The following PDILT variants were observed in gnomAD, a reference collection of about 807,000 sequenced individuals.
PDILT encodes the protein protein disulfide-isomerase-like protein of the testis.
PDILT carries 43 observed loss-of-function variants against 53.7 expected under a neutral mutation model. The ratio of observed to expected loss-of-function variants is 0.80; its 90% confidence interval spans 0.63 to 1.03. The LOEUF is 1.03. Among genes scored for constraint, PDILT ranks in the 50% least tolerant of loss-of-function variants. The pLI, the probability that PDILT is intolerant of heterozygous loss-of-function variation, is 0.00. For missense variants in PDILT, 727 were observed against 712.3 expected, an observed-to-expected ratio of 1.02 and a Z score of -0.24; for synonymous variants, 282 against 274.2, an observed-to-expected ratio of 1.03 and a Z score of -0.28.
intron 5 of PDILT, among the ~76,000 whole-genome samples, chr16:20,374,401 G>A (rs976880743): frequency 6.6e-6 from 1 of 152,094 alleles, no homozygotes; most frequent in South Asian, 2.1e-4. Context: ...AAAACACTGG[G>A]AGAGGACCTG....
At chr16:20,401,423 T>C (rs1387324036) in intron 1 of PDILT, among the ~76,000 whole-genome samples, 1 of 152,204 alleles carries the variant, frequency 6.6e-6, no homozygotes, top group Non-Finnish European at 1.5e-5. Context: ...TTAGTTTTTA[T>C]TCTACAGAAA....
rs573955665 is a variant in PDILT, at chr16:20,403,002, C to T, written c.-8+1494G>A. Among the ~76,000 whole-genome samples, 10 of 152,326 alleles carry T rather than the reference C, an allele frequency of 6.6e-5. No individual in the cohort carries two copies. The East Asian group carries it at 1.9e-3, about 29-fold the overall frequency. ...TCAGCTCCAACATCAGCTCCCTACC[C>T]CCTACTCAGAGGAGAGTGGCTGTCA... On this transcript the variant is annotated intron_variant, in intron 1 of 11. Transcript: ENST00000302451.
chr16:20,372,735 G>A (rs1966324195), intron 7 of PDILT, 67 bp downstream of exon 7: 8 of 1,560,662 alleles, frequency 5.1e-6, no homozygotes, highest in Non-Finnish European at 7.0e-6. Context: ...AGGCAAATGG[G>A]CTCAGGGTCT....
At chr16:20,389,711 T>C (rs1966585621) in intron 2 of PDILT, among the ~76,000 whole-genome samples, 1 of 152,052 alleles carries the variant, frequency 6.6e-6, no homozygotes, top group South Asian at 2.1e-4. Flanking sequence ...AGAATTAACG[T>C]TTGCCTGGTC....
chr16:20,370,066 A>T (rs1966281272), intron 7 of PDILT, among the ~76,000 whole-genome samples: 1 of 152,248 alleles, frequency 6.6e-6, no homozygotes. Flanking sequence ...GCAGGTAGAA[A>T]GTGTTCAATA....
intron 8 of PDILT, 69 bp downstream of exon 8, chr16:20,369,423 G>T: frequency 6.6e-7 from 1 of 1,516,562 alleles, no homozygotes; most frequent in Non-Finnish European, 9.1e-7. Context: ...GAATTATCAA[G>T]GCCAACAGAA....
At position 20,385,567 on chromosome 16, in the gene PDILT, G is replaced by A. The variant is rs116959490; in HGVS notation, c.203-716C>T. Among the ~76,000 whole-genome samples, 4 of 152,248 alleles carry A rather than the reference G, an allele frequency of 2.6e-5. No individual in the cohort carries two copies. The East Asian group carries it at 7.7e-4, about 29-fold the overall frequency. On this transcript the variant is annotated intron_variant, in intron 2 of 11. Transcript: ENST00000302451. ...CAAAGGCATGCAGAGTGGTATAATG[G>A]ACATTGGAGACTCAGATGCGGGGAG...
chr16:20,372,998 A>AT lies in PDILT; in HGVS notation c.792+13dup. 3.1e-6 allele frequency: 5 copies of AT among 1,613,812 alleles called. No homozygotes were observed. Among genetic ancestry groups the AT allele is most frequent in the Non-Finnish European group, 4.2e-6 (5 of 1,179,752 alleles). On this transcript the variant is annotated intron_variant, in intron 6 of 11. Transcript: ENST00000302451. ...CCCAGCTCCCCTTCCTCCGGGGACCATTTACTCACTGACCTCAGTGTTGTA... is the reference window on the plus strand; with the variant it reads ...CCCAGCTCCCCTTCCTCCGGGGACCATTTTACTCACTGACCTCAGTGTTGTA...
At chr16:20,362,847 G>A (rs1003597379) in intron 9 of PDILT, among the ~76,000 whole-genome samples, 3 of 152,032 alleles carry the variant, frequency 2.0e-5, no homozygotes, top group Admixed American at 2.0e-4. Context: ...GCTGAGGCGG[G>A]TGGATCACAA....
At chr16:20,362,682 C>A in intron 9 of PDILT, 100 bp from the exon 10 acceptor site, 1 of 1,149,336 alleles carries the variant, frequency 8.7e-7, no homozygotes, top group Non-Finnish European at 1.2e-6. Context: ...TGTGGTCCTG[C>A]TGTTTTGCCA....
chr16:20,377,452 T>G (rs1052275037), intron 3 of PDILT, among the ~76,000 whole-genome samples: 8 of 152,162 alleles, frequency 5.3e-5, no homozygotes, highest in Non-Finnish European at 1.0e-4. Context: ...GATATAAGGA[T>G]GAACAGAAAC....
chr16:20,386,339 G>C (rs752895341), intron 2 of PDILT, among the ~76,000 whole-genome samples: 18 of 152,156 alleles, frequency 1.2e-4, no homozygotes, highest in Non-Finnish European at 2.2e-4. Flanking sequence ...ACTGAGGAAG[G>C]GGGGCTGAGC....
intron 3 of PDILT, 30 bp from the exon 4 acceptor site, chr16:20,376,231 A>G (rs763493367): frequency 6.2e-7 from 1 of 1,611,970 alleles, no homozygotes; most frequent in South Asian, 1.1e-5. Flanking sequence ...AATAGATACC[A>G]GAGAAGTTTC....
chr16:20,393,382 G>C (rs1163986792), intron 2 of PDILT, among the ~76,000 whole-genome samples: 1 of 152,194 alleles, frequency 6.6e-6, no homozygotes, highest in Non-Finnish European at 1.5e-5. Flanking sequence ...AGAACAGCCT[G>C]AGTTAGAGGG....
chr16:20,366,330 A>G (rs1310267589), intron 8 of PDILT, among the ~76,000 whole-genome samples: 1 of 151,976 alleles, frequency 6.6e-6, no homozygotes. Flanking sequence ...CCCACTCCTG[A>G]TTCCTACTCT....
At chr16:20,384,567 G>A (rs1361038711) in intron 3 of PDILT, 78 bp downstream of exon 3, 3 of 1,554,642 alleles carry the variant, frequency 1.9e-6, no homozygotes, top group African/African-American at 2.7e-5. Context: ...ATGGAGCAGA[G>A]CCTCCCACCT....
rs530066508 is a variant in PDILT at position 20,375,964 on chromosome 16, G to A, written c.543+104C>T. 4.2e-6 allele frequency: 6 copies of A among 1,428,200 alleles called. No individual in the cohort carries two copies. The East Asian group carries it at 1.4e-4, about 33-fold the overall frequency. The allele number at this position is 1,428,200 out of a possible 1,614,324, so 88.5% of individuals were successfully genotyped here. A position where few individuals can be genotyped will look rare whatever the true frequency, so the allele number is the denominator to read the frequency against. On this transcript the variant is annotated intron_variant, in intron 4 of 11. Transcript: ENST00000302451. The stretch of plus-strand genomic sequence containing the variant: ...CCTAAAAACCAGATCATTGGATGGA[G>A]AAAATTGGGCAATCAAAACGGAAGA...
intron 5 of PDILT, among the ~76,000 whole-genome samples, chr16:20,374,293 T>C (rs908671615): frequency 6.6e-6 from 1 of 152,044 alleles, no homozygotes; most frequent in African/African-American, 2.4e-5. Context: ...GGATTGCTTA[T>C]GAGAGGTGAA....
intron 10 of PDILT, among the ~76,000 whole-genome samples, 190 bp from the exon 11 acceptor site, chr16:20,360,847 G>A (rs1325609541): frequency 6.6e-6 from 1 of 152,214 alleles, no homozygotes; most frequent in African/African-American, 2.4e-5. Flanking sequence ...CTGACATAGG[G>A]TTGTTATGCA....
Sources: allele counts gnomAD v4.1 joint callset (sites outside exome capture counted in the v4.1 genomes callset), GRCh38; gene constraint gnomAD v4.1.1; transcripts MANE v1.5; gene names NCBI Gene and HGNC (gene_info 2026-07-23, HGNC 2026-07-21).